LRPPRC: variants seen among roughly 807,000 people sequenced by gnomAD.
LRPPRC encodes the protein leucine-rich PPR motif-containing protein, mitochondrial.
LRPPRC carries 120 observed loss-of-function variants against 180.3 expected under a neutral mutation model. That is an observed-to-expected ratio of 0.67 (90% CI 0.57 to 0.77). LRPPRC has a LOEUF of 0.77. Ranked by LOEUF, LRPPRC falls within the 30% of genes least tolerant of loss-of-function variation. The pLI is 0.00. For missense variants in LRPPRC, 2,012 were observed against 1,657.2 expected, an observed-to-expected ratio of 1.21 and a Z score of -3.72; for synonymous variants, 723 against 600.0, an observed-to-expected ratio of 1.21 and a Z score of -3.00.
At chr2:43,966,678 G>A (rs1344565660) in intron 11 of LRPPRC, among the ~76,000 whole-genome samples, 1 of 151,220 alleles carries the variant, frequency 6.6e-6, no homozygotes, top group African/African-American at 2.4e-5. Flanking sequence ...AAAGTGCTGG[G>A]ATTACAGGCA....
chr2:43,957,566 G>C (rs966021399), intron 13 of LRPPRC, 115 bp from the exon 14 acceptor site: 61 of 767,300 alleles, frequency 7.9e-5, no homozygotes, highest in Non-Finnish European at 1.3e-4. Flanking sequence ...TTTGGAAATT[G>C]TATTTAAAAA....
chr2:43,977,130 T>C (rs774983439), intron 4 of LRPPRC, 25 bp downstream of exon 4: 1 of 1,611,258 alleles, frequency 6.2e-7, no homozygotes. Context: ...GATGTGAAAA[T>C]ATATTCACAA....
intron 37 of LRPPRC, among the ~76,000 whole-genome samples, chr2:43,889,314 C>CAAAAA (rs780032604): frequency 0.016 from 618 of 38,282 alleles, 45 homozygotes; most frequent in African/African-American, 0.038. Flanking sequence ...GACTCCATCT[C>CAAAAA]AAAAAAAAAA....
intron 31 of LRPPRC, 153 bp from the exon 32 acceptor site, chr2:43,901,677 C>CA: frequency 1.6e-6 from 1 of 636,116 alleles, no homozygotes. Flanking sequence ...ATTAATACTT[C>CA]ATGAGATACC....
intron 17 of LRPPRC, 30 bp downstream of exon 17, chr2:43,948,382 G>A (rs1232260833): frequency 7.7e-6 from 10 of 1,298,250 alleles, no homozygotes; most frequent in African/African-American, 1.5e-5. Flanking sequence ...AGGCAGGACA[G>A]GCATTATATA....
Position 43,975,017 on chromosome 2 carries a change from C to A in LRPPRC, c.864+74G>T, listed in dbSNP as rs951970576. Reference sequence around the variant, plus strand: ...TGAAAACAGGTATAAACTTCACTTTCCTGCCTCATGTAAAACATAACACAA... The same window carrying A: ...TGAAAACAGGTATAAACTTCACTTTACTGCCTCATGTAAAACATAACACAA... On this transcript the variant is annotated intron_variant, in intron 7 of 37. Coordinates refer to ENST00000260665, the MANE Select transcript of LRPPRC (RefSeq NM_133259.4). 5 of 1,475,892 alleles carry A rather than the reference C, an allele frequency of 3.4e-6. No individual in the cohort carries two copies. The Admixed American group carries it at 8.4e-5, about 25-fold the overall frequency. The allele number at this position is 1,475,892 out of a possible 1,614,324, so 91.4% of individuals were successfully genotyped here.
intron 2 of LRPPRC, 121 bp downstream of exon 2, chr2:43,982,117 A>C: frequency 1.6e-6 from 1 of 630,182 alleles, no homozygotes; most frequent in Non-Finnish European, 2.7e-6. Context: ...CATGTTGGCC[A>C]GGCTGGTCTC....
At chr2:43,982,852 A>G (rs957062900) in intron 1 of LRPPRC, among the ~76,000 whole-genome samples, 67 of 152,150 alleles carry the variant, frequency 4.4e-4, no homozygotes, top group Non-Finnish European at 8.8e-5. Flanking sequence ...CAAAATTTTT[A>G]TAACTACCTT....
rs1572928425 is a variant in LRPPRC at position 43,926,082 on chromosome 2, T to A, written c.2737-121A>T. The A allele has an allele frequency of 4.5e-5, 30 of 667,958 alleles. No individual in the cohort carries two copies. The East Asian group carries it at 8.4e-4, about 19-fold the overall frequency. The allele number at this position is 667,958 out of a possible 1,614,324, so 41.4% of individuals were successfully genotyped here. ...GCCAAATATATATACTAAACTTATA[T>A]ACTAAACTATATATACTAGTATACA... On this transcript the variant is annotated intron_variant, in intron 25 of 37. Transcript: ENST00000260665.
At chr2:43,942,585 G>C (rs78817563) in intron 23 of LRPPRC, among the ~76,000 whole-genome samples, 1 of 152,224 alleles carries the variant, frequency 6.6e-6, no homozygotes, top group East Asian at 1.9e-4. Flanking sequence ...TTAGTTAAAA[G>C]AGATGGTTTT....
intron 1 of LRPPRC, among the ~76,000 whole-genome samples, chr2:43,987,246 G>A (rs995022461): frequency 1.3e-5 from 2 of 152,094 alleles, no homozygotes; most frequent in Non-Finnish European, 1.5e-5. Flanking sequence ...TGTAATCCCA[G>A]CACTTAGGGG....
At chr2:43,889,586 GCTCAGTCC>G in intron 37 of LRPPRC, 140 bp downstream of exon 37, 1 of 736,950 alleles carries the variant, frequency 1.4e-6, no homozygotes, top group South Asian at 1.5e-5. Flanking sequence ...AAGGCATGCT[GCTCAGTCC>G]CTCAAGCCAT....
intron 34 of LRPPRC, among the ~76,000 whole-genome samples, chr2:43,897,050 C>A: frequency 6.6e-6 from 1 of 152,172 alleles, no homozygotes; most frequent in South Asian, 2.1e-4. Context: ...TACTGCCAAG[C>A]ATTCACAAGT....
In LRPPRC at chr2:43,899,475, C is replaced by G. The variant is rs1670809894; in HGVS notation, c.3700G>C (p.Val1234Leu). The stretch of plus-strand genomic sequence containing the variant: ...CAAACAACTAACTTACTCTTTTCAA[C>G]TGCTGGTTCCAACTGCTCCTCTATT... ...KVIEEQLEPA[V>L]EKISIMAERL... Residue 1234 changes from valine to leucine, a missense_variant, in exon 33 of 38, where the codon GTT becomes CTT. Val to Leu is a conservative substitution (Grantham distance 32). Transcript: ENST00000260665. 6.2e-7 allele frequency: 1 copy of G among 1,614,066 alleles called. No individual in the cohort carries two copies. Among genetic ancestry groups the G allele is most frequent in the South Asian group, 1.1e-5 (1 of 91,092 alleles).
In LRPPRC at chr2:43,899,616, C is replaced by T. The variant is rs1205995042; in HGVS notation, c.3570-11G>A. ...GCATCTATGTTATTACTGTTAAAAG[C>T]AAAATAAATTACTTAAAAATTTGCT... On this transcript the variant is annotated splice_polypyrimidine_tract_variant and intron_variant, in intron 32 of 37. Transcript: ENST00000260665. 6.3e-7 allele frequency: 1 copy of T among 1,591,136 alleles called. No individual in the cohort carries two copies. Among genetic ancestry groups the T allele is most frequent in the Non-Finnish European group, 8.6e-7 (1 of 1,160,692 alleles).
chr2:43,914,939 T>C (rs1671391426), intron 29 of LRPPRC, among the ~76,000 whole-genome samples: 1 of 151,420 alleles, frequency 6.6e-6, no homozygotes, highest in African/African-American at 2.4e-5. Context: ...GGCGTGGTGG[T>C]GGCTCATGCC....
At chr2:43,995,233 C>T (rs1674977442) in intron 1 of LRPPRC, among the ~76,000 whole-genome samples, 1 of 152,158 alleles carries the variant, frequency 6.6e-6, no homozygotes, top group Non-Finnish European at 1.5e-5. Context: ...GCAACACCTT[C>T]TTAAATGCTG....
At chr2:43,890,185 C>T (rs984876652) in intron 36 of LRPPRC, 4 of 418,656 alleles carry the variant, frequency 9.6e-6, no homozygotes, top group Non-Finnish European at 1.4e-5. Flanking sequence ...GTTCAAGTGA[C>T]CACAAACTGA....
chr2:43,918,460 ATT>A, intron 27 of LRPPRC, 62 bp from the exon 28 acceptor site: 1 of 1,205,924 alleles, frequency 8.3e-7, no homozygotes, highest in Non-Finnish European at 1.2e-6. Context: ...ACACAAAAAT[ATT>A]TAGAACTTTT....
Sources: allele counts gnomAD v4.1 joint callset (sites outside exome capture counted in the v4.1 genomes callset), GRCh38; gene constraint gnomAD v4.1.1; transcripts MANE v1.5; gene names NCBI Gene and HGNC (gene_info 2026-07-23, HGNC 2026-07-21).